Variants in NKAIN2 observed in about 807,000 individuals in gnomAD.
NKAIN2 encodes sodium/potassium transporting ATPase interacting 2.
A neutral mutation model predicts 32.6 loss-of-function variants in NKAIN2; 14 were observed. The observed-to-expected ratio is 0.43, with a 90% CI of 0.28 to 0.67. NKAIN2 has a LOEUF of 0.67. Ranked by LOEUF, NKAIN2 falls within the 30% of genes least tolerant of loss-of-function variation. NKAIN2 has a pLI of 0.17. For missense variants in NKAIN2, 198 were observed against 258.3 expected, an observed-to-expected ratio of 0.77 and a Z score of 1.60; for synonymous variants, 80 against 87.2, an observed-to-expected ratio of 0.92 and a Z score of 0.46.
At chr6:124,328,953 C>T (rs1156843332) in intron 2 of NKAIN2, among the ~76,000 whole-genome samples, 1 of 152,164 alleles carries the variant, frequency 6.6e-6, no homozygotes, top group Non-Finnish European at 1.5e-5. Flanking sequence ...TAATGTCATC[C>T]CTTCTGGAAA....
At chr6:123,846,256 T>G (rs1343592936) in intron 1 of NKAIN2, among the ~76,000 whole-genome samples, 5 of 152,160 alleles carry the variant, frequency 3.3e-5, no homozygotes, top group Non-Finnish European at 5.9e-5. Context: ...CCTGAATGAA[T>G]GGCTTTTCTT....
intron 5 of NKAIN2, among the ~76,000 whole-genome samples, chr6:124,809,135 T>C (rs1024630036): frequency 6.6e-6 from 1 of 152,126 alleles, no homozygotes; most frequent in Non-Finnish European, 1.5e-5. Context: ...AAAAATACTT[T>C]AAAGTTCACA....
chr6:124,615,629 C>G (rs544701696), intron 3 of NKAIN2, among the ~76,000 whole-genome samples: 1 of 152,172 alleles, frequency 6.6e-6, no homozygotes, highest in East Asian at 1.9e-4. Context: ...AAAATATGCT[C>G]AGAATAAAAT....
At chr6:124,574,670 A>C (rs1042403895) in intron 3 of NKAIN2, among the ~76,000 whole-genome samples, 20 of 152,128 alleles carry the variant, frequency 1.3e-4, no homozygotes, top group African/African-American at 4.8e-4. Flanking sequence ...CACCAGTGAA[A>C]ATGGCAAATC....
At chr6:123,830,956 G>A (rs964499161) in intron 1 of NKAIN2, among the ~76,000 whole-genome samples, 12 of 152,296 alleles carry the variant, frequency 7.9e-5, no homozygotes, top group Admixed American at 5.9e-4. Context: ...TATTAATTTA[G>A]GAAATCAGAC....
intron 3 of NKAIN2, among the ~76,000 whole-genome samples, chr6:124,368,175 A>T (rs1799604614): frequency 6.6e-6 from 1 of 152,170 alleles, no homozygotes; most frequent in African/African-American, 2.4e-5. Context: ...TTGAATTTTC[A>T]GAAGCAAAAG....
intron 1 of NKAIN2, among the ~76,000 whole-genome samples, chr6:124,256,670 T>G (rs1793949043): frequency 6.6e-6 from 1 of 152,156 alleles, no homozygotes; most frequent in East Asian, 1.9e-4. Flanking sequence ...AGTTAAAATA[T>G]CTGTGCCTCA....
At chr6:124,031,425 T>C (rs987468362) in intron 1 of NKAIN2, among the ~76,000 whole-genome samples, 6 of 152,194 alleles carry the variant, frequency 3.9e-5, no homozygotes, top group Admixed American at 1.3e-4. Flanking sequence ...TCTGCTCTGA[T>C]CTTAGTCATT....
Position 124,750,495 on chromosome 6 carries a change from A to AGATGGATG in NKAIN2, c.475-40800_475-40793dup, listed in dbSNP as rs56937918. Among the ~76,000 whole-genome samples the AGATGGATG allele has an allele frequency of 4.2e-3, 626 of 149,648 alleles. 1 individual carries two copies. Among genetic ancestry groups the AGATGGATG allele is most frequent in the Middle Eastern group, 0.014 (4 of 288 alleles). On this transcript the variant is annotated intron_variant, in intron 4 of 6. Coordinates refer to ENST00000368417, the MANE Select transcript of NKAIN2 (RefSeq NM_001040214.3). ...TAGTCATTCAAAAGTCTGGAGGAAGAGATGGATGGATGGATGGATGGATGG... is the reference window on the plus strand; with the variant it reads ...TAGTCATTCAAAAGTCTGGAGGAAGAGATGGATGGATGGATGGATGGATGGATGGATGG...
intron 1 of NKAIN2, among the ~76,000 whole-genome samples, chr6:123,911,412 G>A (rs1440263288): frequency 6.6e-6 from 1 of 151,970 alleles, no homozygotes; most frequent in African/African-American, 2.4e-5. Context: ...AGGAGGAGGT[G>A]CCAGACTCTT....
intron 1 of NKAIN2, among the ~76,000 whole-genome samples, chr6:124,166,190 C>CTT (rs1171809420): frequency 1.4e-5 from 2 of 139,486 alleles, no homozygotes; most frequent in Non-Finnish European, 3.1e-5. Context: ...TGTTTCCTGA[C>CTT]TTTTTAATGA....
At position 124,176,258 on chromosome 6, in the gene NKAIN2, C is replaced by T. The variant is rs1252168044; in HGVS notation, c.55-106747C>T. Reference sequence around the variant, plus strand: ...AAATGGCTCTGATAAGCTTTCTCAACTCATGGTTACTACAGACCTTCGATT... The same window carrying T: ...AAATGGCTCTGATAAGCTTTCTCAATTCATGGTTACTACAGACCTTCGATT... On this transcript the variant is annotated intron_variant, in intron 1 of 6. Coordinates refer to ENST00000368417, the MANE Select transcript of NKAIN2 (RefSeq NM_001040214.3). 2.6e-5 allele frequency among the ~76,000 whole-genome samples: 4 copies of T among 152,116 alleles called. No homozygotes were observed. In the East Asian group the frequency reaches 7.7e-4, roughly 29 times the overall value.
At chr6:124,032,493 G>T (rs184052526) in intron 1 of NKAIN2, among the ~76,000 whole-genome samples, 5 of 152,030 alleles carry the variant, frequency 3.3e-5, no homozygotes, top group Admixed American at 2.6e-4. Flanking sequence ...AGAACTTAAT[G>T]TAATGAAAGT....
intron 4 of NKAIN2, among the ~76,000 whole-genome samples, chr6:124,727,642 C>G (rs1309205625): frequency 0.01 from 1,518 of 150,036 alleles, 13 homozygotes; most frequent in Middle Eastern, 0.024. Flanking sequence ...GGAAGAAACT[C>G]CATCAACTAA....
At chr6:123,906,645 A>G (rs1490354) in intron 1 of NKAIN2, among the ~76,000 whole-genome samples, 57,545 of 151,932 alleles carry the variant, frequency 0.38, 11,364 homozygotes, top group East Asian at 0.63. Context: ...TGCCTAAAAT[A>G]TCTTCATTAC....
At chr6:124,018,995 C>T (rs919379298) in intron 1 of NKAIN2, among the ~76,000 whole-genome samples, 1 of 152,132 alleles carries the variant, frequency 6.6e-6, no homozygotes, top group African/African-American at 2.4e-5. Flanking sequence ...GGGGAGGCCT[C>T]ACAGTCATGG....
chr6:124,752,445 G>C (rs1777765465), intron 4 of NKAIN2, among the ~76,000 whole-genome samples: 1 of 151,754 alleles, frequency 6.6e-6, no homozygotes, highest in Admixed American at 6.6e-5. Flanking sequence ...TTTTCTTCAA[G>C]CTTTCTTTCT....
chr6:124,106,449 A>G (rs897166076), intron 1 of NKAIN2, among the ~76,000 whole-genome samples: 2 of 152,202 alleles, frequency 1.3e-5, no homozygotes, highest in Non-Finnish European at 2.9e-5. Flanking sequence ...CTATGATATC[A>G]TATTGAGATT....
intron 4 of NKAIN2, among the ~76,000 whole-genome samples, chr6:124,690,316 C>A (rs1774197189): frequency 6.6e-6 from 1 of 152,134 alleles, no homozygotes; most frequent in African/African-American, 2.4e-5. Context: ...AACCTTGCTA[C>A]AATTGCTATG....
Sources: allele counts gnomAD v4.1 joint callset (sites outside exome capture counted in the v4.1 genomes callset), GRCh38; gene constraint gnomAD v4.1.1; transcripts MANE v1.5; gene names NCBI Gene and HGNC (gene_info 2026-07-23, HGNC 2026-07-21).